Variants in VIRMA observed in about 807,000 individuals in gnomAD.
VIRMA encodes the protein protein virilizer homolog.
In VIRMA, 65 loss-of-function variants were observed where a neutral mutation model predicts 182.4. That is an observed-to-expected ratio of 0.36 (90% CI 0.29 to 0.44). The LOEUF is 0.44. Ranked by LOEUF, VIRMA falls within the 20% of genes least tolerant of loss-of-function variation. The pLI is 1.00. For missense variants in VIRMA, 1,752 were observed against 2,158.1 expected (o/e 0.81, Z 3.73); for synonymous variants, 709 against 743.1 (o/e 0.95, Z 0.75).
rs550294369 is a variant in VIRMA at position 94,547,000 on chromosome 8, T to C, written c.64-3058A>G. On this transcript the variant is annotated intron_variant, in intron 1 of 23. Transcript: ENST00000297591. Reference sequence around the variant, plus strand: ...TTCTCTCTGCTTGAAATCTATCACATCCTTCTGCCCCAACTCCTTTTACAA... The same window carrying C: ...TTCTCTCTGCTTGAAATCTATCACACCCTTCTGCCCCAACTCCTTTTACAA... 5 of 455,320 alleles carry C rather than the reference T, an allele frequency of 1.1e-5. 1 individual carries two copies. The highest frequency in any genetic ancestry group is 6.1e-5 in the African/African-American group (3 of 48,900). The allele number at this position is 455,320 out of a possible 1,614,324, so 28.2% of individuals were successfully genotyped here. A position where few individuals can be genotyped will look rare whatever the true frequency, so the allele number is the denominator to read the frequency against.
chr8:94,509,071 G>T (rs1170588157), intron 15 of VIRMA, among the ~76,000 whole-genome samples: 1 of 152,236 alleles, frequency 6.6e-6, no homozygotes, highest in East Asian at 1.9e-4. Context: ...CCCAACAAGA[G>T]AACATATTAA....
intron 17 of VIRMA, 134 bp downstream of exon 17, chr8:94,499,240 A>C: frequency 1.9e-6 from 1 of 534,696 alleles, no homozygotes; most frequent in Non-Finnish European, 3.1e-6. Context: ...GCCCCAAGAG[A>C]TCCTCCCACC....
chr8:94,498,750 C>G (rs141484079), intron 17 of VIRMA: 1 of 152,294 alleles, frequency 6.6e-6, no homozygotes, highest in Non-Finnish European at 1.5e-5. Context: ...ATTAGAGGCA[C>G]GTGCCACCAC....
At position 94,547,065 on chromosome 8, in the gene VIRMA, A is replaced by G. The variant is rs539054899; in HGVS notation, c.64-3123T>C. 4.0e-4 allele frequency: 181 copies of G among 454,296 alleles called. 8 individuals are homozygous for G. Among genetic ancestry groups the G allele is most frequent in the African/African-American group, 3.2e-3 (154 of 48,664 alleles). 28.1% of individuals were successfully genotyped at this position (454,296 alleles called of 1,614,324 possible). On this transcript the variant is annotated intron_variant, in intron 1 of 23. Coordinates refer to ENST00000297591, the MANE Select transcript of VIRMA (RefSeq NM_015496.5). ...GAAAGCTGAGCCAGATCAAATCTAG[A>G]TAGGTGCCTCTCCTCCTAGTGCCTA...
chr8:94,495,784 A>G lies in VIRMA; in HGVS notation c.4491T>C (p.Asp1497=). Residue 1497 remains aspartate, a synonymous_variant, in exon 19 of 24, where the codon GAT becomes GAC. Transcript: ENST00000297591. The stretch of plus-strand genomic sequence containing the variant: ...CTGGAGCTGAAAGTACTGGTTCTAC[A>G]TCCTGGTCACTGAGAGGTAAAGGGT... ...SGDPLPLSDQ[D]VEPVLSAPES... is the part of the protein sequence containing the mutation. 5.0e-6 allele frequency: 8 copies of G among 1,614,040 alleles called. No individual in the cohort carries two copies. The highest frequency in any genetic ancestry group is 6.8e-6 in the Non-Finnish European group (8 of 1,179,920).
intron 2 of VIRMA, 120 bp from the exon 3 acceptor site, chr8:94,538,466 A>C: frequency 1.6e-6 from 1 of 613,244 alleles, no homozygotes; most frequent in Admixed American, 3.1e-5. Context: ...GATGTTCCTA[A>C]GATTTAAATA....
chr8:94,533,728 A>T (rs1815246442), intron 5 of VIRMA: 1 of 148,650 alleles, frequency 6.7e-6, no homozygotes, highest in Non-Finnish European at 1.5e-5. Context: ...GGCATAAGCC[A>T]CCATGCCCAG....
rs770108154 is a variant in VIRMA, at chr8:94,506,744, G to T, written c.3880-27C>A. 6.5e-6 allele frequency: 9 copies of T among 1,394,016 alleles called. No homozygotes were observed. The Admixed American group carries it at 1.3e-4, about 20-fold the overall frequency. The allele number at this position is 1,394,016 out of a possible 1,614,324, so 86.4% of individuals were successfully genotyped here. A position where few individuals can be genotyped will look rare whatever the true frequency, so the allele number is the denominator to read the frequency against. On this transcript the variant is annotated intron_variant, in intron 15 of 23. Transcript: ENST00000297591. ...TGTGGGGAGCAGGGAAAAAAAAATC[G>T]ATTTTTTAAATAATTATCACCATCA...
Position 94,493,829 on chromosome 8 carries a change from A to G in VIRMA, c.4642-1011T>C, listed in dbSNP as rs1433206063. Among the ~76,000 whole-genome samples, 3 of 151,616 alleles carry G rather than the reference A, an allele frequency of 2.0e-5. No homozygotes were observed. The East Asian group carries it at 5.9e-4, about 30-fold the overall frequency. ...AAGAAAAGGAACAATGTACTGTATAATAAGATGTGGCTAAAATAATTCGCC... is the reference window on the plus strand; with the variant it reads ...AAGAAAAGGAACAATGTACTGTATAGTAAGATGTGGCTAAAATAATTCGCC... On this transcript the variant is annotated intron_variant, in intron 20 of 23. Coordinates refer to ENST00000297591, the MANE Select transcript of VIRMA (RefSeq NM_015496.5).
intron 16 of VIRMA, among the ~76,000 whole-genome samples, chr8:94,500,655 CTT>C (rs11312961): frequency 0.13 from 15,916 of 126,682 alleles, 1,093 homozygotes; most frequent in East Asian, 0.25. Flanking sequence ...TCGGTAGTTT[CTT>C]TTTTTTTTTT....
chr8:94,495,684 A>G (rs766989822), intron 19 of VIRMA, 47 bp downstream of exon 19: 11 of 1,559,702 alleles, frequency 7.1e-6, no homozygotes, highest in Admixed American at 1.8e-5. Context: ...GACTACAGCC[A>G]TTTTAAAACC....
At chr8:94,522,964 G>A (rs1489063594) in intron 8 of VIRMA, among the ~76,000 whole-genome samples, 1 of 151,872 alleles carries the variant, frequency 6.6e-6, no homozygotes, top group African/African-American at 2.4e-5. Flanking sequence ...CCTCTTGTCT[G>A]ATACCCAAAT....
intron 5 of VIRMA, 125 bp downstream of exon 5, chr8:94,534,714 T>A: frequency 1.1e-5 from 10 of 944,042 alleles, no homozygotes; most frequent in Non-Finnish European, 1.4e-5. Flanking sequence ...TCTCCCCCTC[T>A]CTTCCTCTCT....
chr8:94,528,962 T>A (rs1166710757), intron 7 of VIRMA, 108 bp downstream of exon 7: 1 of 1,421,892 alleles, frequency 7.0e-7, no homozygotes, highest in African/African-American at 1.4e-5. Flanking sequence ...TGACCCTGGG[T>A]TTCTTGGAAC....
chr8:94,510,945 TA>T (rs1471695882), intron 13 of VIRMA: 61 of 1,304,460 alleles, frequency 4.7e-5, no homozygotes, highest in Non-Finnish European at 6.0e-5. Context: ...CAGAAAAATG[TA>T]AGTACAAACA....
chr8:94,514,220 T>C (rs1187081026), intron 11 of VIRMA, among the ~76,000 whole-genome samples: 3 of 152,232 alleles, frequency 2.0e-5, no homozygotes, highest in Non-Finnish European at 2.9e-5. Context: ...TTTATGTGTA[T>C]ATGAGTGCTT....
intron 16 of VIRMA, among the ~76,000 whole-genome samples, chr8:94,506,188 G>A (rs1433423266): frequency 6.6e-6 from 1 of 152,070 alleles, no homozygotes; most frequent in Non-Finnish European, 1.5e-5. Flanking sequence ...CACTTCTGAG[G>A]ATACAACAAC....
At chr8:94,532,426 T>C (rs751452103) in intron 5 of VIRMA, among the ~76,000 whole-genome samples, 1 of 152,198 alleles carries the variant, frequency 6.6e-6, no homozygotes, top group Non-Finnish European at 1.5e-5. Flanking sequence ...ATTTTGATCA[T>C]GGTGTTGGTT....
chr8:94,545,659 G>A (rs1407433536), intron 1 of VIRMA, among the ~76,000 whole-genome samples: 3 of 152,286 alleles, frequency 2.0e-5, no homozygotes, highest in African/African-American at 7.2e-5. Context: ...CACAAAGGAT[G>A]CTATGAAAAT....
Sources: allele counts gnomAD v4.1 joint callset (sites outside exome capture counted in the v4.1 genomes callset), GRCh38; gene constraint gnomAD v4.1.1; transcripts MANE v1.5; gene names NCBI Gene and HGNC (gene_info 2026-07-23, HGNC 2026-07-21).